CDK15: variants seen among roughly 807,000 people sequenced by gnomAD.
The protein encoded by CDK15 is cyclin-dependent kinase 15.
A neutral mutation model predicts 60.3 loss-of-function variants in CDK15; 62 were observed. The ratio of observed to expected loss-of-function variants is 1.03; its 90% CI spans 0.84 to 1.27. CDK15 has a LOEUF of 1.27. Ranked by LOEUF, CDK15 falls within the 50% of genes most tolerant of loss-of-function variation. CDK15 has a pLI of 0.00. For missense variants in CDK15, 541 were observed against 527.8 expected, an observed-to-expected ratio of 1.03 and a Z score of -0.25; for synonymous variants, 194 against 195.7, an observed-to-expected ratio of 0.99 and a Z score of 0.07.
At chr2:201,872,673 G>A (rs1466728659) in intron 11 of CDK15, among the ~76,000 whole-genome samples, 2 of 151,188 alleles carry the variant, frequency 1.3e-5, no homozygotes, top group Non-Finnish European at 2.9e-5. Context: ...TATTGGAGGG[G>A]GGGCAACTTG....
chr2:201,865,892 C>CAAAAA lies in CDK15; in HGVS notation c.1010-6363_1010-6359dup, dbSNP rs35178158. Among the ~76,000 whole-genome samples, 38 of 40,082 alleles carry CAAAAA rather than the reference C, an allele frequency of 9.5e-4. 4 individuals are homozygous for CAAAAA. Among genetic ancestry groups the CAAAAA allele is most frequent in the African/African-American group, 1.6e-3 (22 of 13,618 alleles). 26.3% of individuals were successfully genotyped at this position (40,082 alleles called of 152,430 possible). On this transcript the variant is annotated intron_variant, in intron 10 of 13. Transcript: ENST00000652192. The stretch of plus-strand genomic sequence containing the variant: ...GCGACAGAGCAAGATTCCATCTCAA[C>CAAAAA]AAAAAAAAAAAAAAAAAAAAAAAAA...
intron 9 of CDK15, 56 bp downstream of exon 9, chr2:201,847,530 C>T (rs1016091924): frequency 6.8e-7 from 1 of 1,479,748 alleles, no homozygotes; most frequent in Admixed American, 1.7e-5. Flanking sequence ...AGTTTTGAAC[C>T]AAATTTGCCT....
At chr2:201,875,195 A>G (rs779906139) in intron 11 of CDK15, among the ~76,000 whole-genome samples, 1 of 152,190 alleles carries the variant, frequency 6.6e-6, no homozygotes, top group Non-Finnish European at 1.5e-5. Flanking sequence ...GGCCCCCAGC[A>G]CATCTTTTAG....
At chr2:201,883,360 G>C (rs530139767) in intron 12 of CDK15, among the ~76,000 whole-genome samples, 1 of 152,230 alleles carries the variant, frequency 6.6e-6, no homozygotes, top group East Asian at 1.9e-4. Flanking sequence ...CCCAGTGTAG[G>C]AGCGGCATAG....
chr2:201,843,420 G>T (rs1283722682), intron 8 of CDK15, among the ~76,000 whole-genome samples: 1 of 152,084 alleles, frequency 6.6e-6, no homozygotes, highest in South Asian at 2.1e-4. Context: ...CTGACCTCAT[G>T]ATCTGCCCGC....
intron 11 of CDK15, among the ~76,000 whole-genome samples, chr2:201,873,657 C>T (rs185958742): frequency 2.5e-4 from 38 of 152,342 alleles, no homozygotes; most frequent in African/African-American, 8.9e-4. Context: ...GCTTTTCTGA[C>T]GATATAGCAC....
At chr2:201,844,724 G>A (rs888108951) in intron 8 of CDK15, among the ~76,000 whole-genome samples, 3 of 152,160 alleles carry the variant, frequency 2.0e-5, no homozygotes, top group African/African-American at 7.2e-5. Flanking sequence ...GGGAGGCCAA[G>A]GCAGGAGGAT....
chr2:201,825,567 A>G (rs1192671340), intron 6 of CDK15, among the ~76,000 whole-genome samples: 4 of 152,200 alleles, frequency 2.6e-5, no homozygotes, highest in Non-Finnish European at 5.9e-5. Context: ...AACTAGAGAA[A>G]TCAAATAGGA....
chr2:201,812,658 TC>T, intron 4 of CDK15, 96 bp downstream of exon 4: 1 of 609,162 alleles, frequency 1.6e-6, no homozygotes, highest in South Asian at 3.2e-5. Context: ...TAGTTTTGAT[TC>T]TTCTGGAATA....
chr2:201,874,741 G>A (rs533162566), intron 11 of CDK15, among the ~76,000 whole-genome samples: 11 of 152,152 alleles, frequency 7.2e-5, no homozygotes, highest in African/African-American at 1.4e-4. Flanking sequence ...TAGTAGGTAC[G>A]CACTCACTTT....
intron 10 of CDK15, among the ~76,000 whole-genome samples, chr2:201,858,804 G>T (rs930334212): frequency 6.6e-6 from 1 of 152,090 alleles, no homozygotes; most frequent in Non-Finnish European, 1.5e-5. Context: ...AAAAAAGAGG[G>T]AGGAGAAAAA....
At chr2:201,814,310 AG>A (rs1167589396) in intron 4 of CDK15, among the ~76,000 whole-genome samples, 1 of 152,214 alleles carries the variant, frequency 6.6e-6, no homozygotes, top group African/African-American at 2.4e-5. Flanking sequence ...AATTACATTT[AG>A]TAGTCAACTG....
At chr2:201,826,292 C>G (rs1473106447) in intron 6 of CDK15, among the ~76,000 whole-genome samples, 1 of 151,926 alleles carries the variant, frequency 6.6e-6, no homozygotes, top group Admixed American at 6.6e-5. Context: ...AACCCCGTCT[C>G]TACTAAAAAT....
chr2:201,810,330 T>C (rs1178487245), intron 3 of CDK15, among the ~76,000 whole-genome samples: 1 of 150,330 alleles, frequency 6.7e-6, no homozygotes, highest in East Asian at 2.0e-4. Context: ...GTTAAAGAAA[T>C]ATAAATTAAA....
intron 9 of CDK15, among the ~76,000 whole-genome samples, chr2:201,848,636 G>A (rs1358116063): frequency 6.6e-6 from 1 of 151,966 alleles, no homozygotes; most frequent in Non-Finnish European, 1.5e-5. Flanking sequence ...CCTCATATAA[G>A]TGGAATCATA....
At chr2:201,823,859 AGTTTT>A in intron 6 of CDK15, 132 bp downstream of exon 6, 1 of 740,814 alleles carries the variant, frequency 1.3e-6, no homozygotes, top group South Asian at 2.0e-5. Flanking sequence ...TCCAGAAAAA[AGTTTT>A]GTTTTGTTTT....
intron 1 of CDK15, 53 bp downstream of exon 1, chr2:201,806,840 C>T: frequency 1.3e-6 from 2 of 1,575,612 alleles, no homozygotes; most frequent in South Asian, 1.1e-5. Flanking sequence ...CCAAGGAGTT[C>T]AGACACTCCC....
chr2:201,832,635 G>A (rs943534766), intron 6 of CDK15, among the ~76,000 whole-genome samples: 3 of 152,198 alleles, frequency 2.0e-5, no homozygotes, highest in Non-Finnish European at 4.4e-5. Flanking sequence ...TACTTAAATG[G>A]TTTATGAACC....
chr2:201,854,401 T>C (rs1455765625), intron 9 of CDK15, among the ~76,000 whole-genome samples: 1 of 152,242 alleles, frequency 6.6e-6, no homozygotes, highest in Non-Finnish European at 1.5e-5. Flanking sequence ...TCCTTTTTAA[T>C]TTGAGCACAT....
Sources: allele counts gnomAD v4.1 joint callset (sites outside exome capture counted in the v4.1 genomes callset), GRCh38; gene constraint gnomAD v4.1.1; transcripts MANE v1.5; gene names NCBI Gene and HGNC (gene_info 2026-07-23, HGNC 2026-07-21).